XPNPEP3: variants seen among roughly 807,000 people sequenced by gnomAD.
XPNPEP3 encodes xaa-Pro aminopeptidase 3.
Under a neutral mutation model 60.0 loss-of-function variants are expected in XPNPEP3, and 41 were observed. The ratio of observed to expected loss-of-function variants is 0.68; its 90% CI spans 0.53 to 0.89. The LOEUF (loss-of-function observed/expected upper bound fraction) is 0.89, where lower values mean the gene tolerates loss of function less well. XPNPEP3 is among the 40% of genes least tolerant of loss of function. XPNPEP3 has a pLI of 0.00. For synonymous variants in XPNPEP3, 212 were observed against 223.2 expected, an observed-to-expected ratio of 0.95 and a Z score of 0.45; for missense variants, 598 against 638.9, an observed-to-expected ratio of 0.94 and a Z score of 0.69.
At chr22:40,884,432 T>G (rs544217411) in intron 3 of XPNPEP3, among the ~76,000 whole-genome samples, 1 of 151,806 alleles carries the variant, frequency 6.6e-6, no homozygotes, top group East Asian at 2.0e-4. Flanking sequence ...CAGGTTCAAG[T>G]AATTCTCCTG....
chr22:40,869,106 C>T lies in XPNPEP3; in HGVS notation c.172C>T (p.Leu58Phe). 3 of 1,613,842 alleles carry T rather than the reference C, an allele frequency of 1.9e-6. No homozygotes were observed. The highest frequency in any genetic ancestry group is 1.7e-5 in the Admixed American group (1 of 60,012). Residue 58 changes from leucine (L) to phenylalanine (F), a missense_variant, in exon 2 of 10, where the codon CTC becomes TTC. By Grantham distance (22) the Leu-to-Phe change is conservative. Coordinates refer to ENST00000357137, the MANE Select transcript of XPNPEP3 (RefSeq NM_022098.4). ...CAGCCCCTTTACACACCCACACCTC[C>T]TCAGACCAGGTAAGGCCTTTTAACT... ...QPSPFTHPHL[L>F]RPGEVTPGLS...
intron 7 of XPNPEP3, among the ~76,000 whole-genome samples, chr22:40,921,700 C>A (rs1601521711): frequency 6.6e-6 from 1 of 151,996 alleles, no homozygotes; most frequent in East Asian, 1.9e-4. Flanking sequence ...CAAATATTTT[C>A]TTTGGATATA....
intron 6 of XPNPEP3, among the ~76,000 whole-genome samples, chr22:40,909,790 A>G (rs1480562541): frequency 6.6e-6 from 1 of 151,654 alleles, no homozygotes; most frequent in African/African-American, 2.4e-5. Context: ...ATAAATAAAT[A>G]AATAAATATT....
intron 1 of XPNPEP3, chr22:40,860,733 A>G: frequency 1.2e-6 from 1 of 839,578 alleles, no homozygotes; most frequent in Non-Finnish European, 1.8e-6. Context: ...TTACACTGCA[A>G]CCTATGTCTT....
chr22:40,914,421 G>A (rs2058188030), intron 7 of XPNPEP3, 97 bp downstream of exon 7: 8 of 1,053,936 alleles, frequency 7.6e-6, no homozygotes, highest in Non-Finnish European at 1.0e-5. Context: ...AATACTATAG[G>A]TCCATTCCTG....
intron 4 of XPNPEP3, among the ~76,000 whole-genome samples, chr22:40,892,650 C>G (rs566424471): frequency 1.2e-4 from 19 of 152,240 alleles, no homozygotes; most frequent in Admixed American, 9.2e-4. Context: ...ACAACTGTTT[C>G]ATTTGTACAA....
intron 5 of XPNPEP3, among the ~76,000 whole-genome samples, chr22:40,908,012 G>C (rs2058162785): frequency 6.6e-6 from 1 of 152,140 alleles, no homozygotes; most frequent in Non-Finnish European, 1.5e-5. Flanking sequence ...CCAGGAGTTT[G>C]AGACCAGCCT....
chr22:40,907,624 T>C lies in XPNPEP3; in HGVS notation c.830T>C (p.Val277Ala), dbSNP rs764073781. 1 of 1,614,110 alleles carries C rather than the reference T, an allele frequency of 6.2e-7. No individual in the cohort carries two copies. The change falls in exon 5 of 10, where the codon GTG becomes GCG. Residue 277 changes from valine (V) to alanine (A), a missense_variant. By Grantham distance (64) the Val-to-Ala change is moderately conservative (BLOSUM62 0). Coordinates refer to ENST00000357137, the MANE Select transcript of XPNPEP3 (RefSeq NM_022098.4). ...IETMFTSKAPVEEAFLYAKFE... is the reference protein window; with the variant it reads ...IETMFTSKAPAEEAFLYAKFE... ...ACCATGTTCACCAGTAAAGCCCCTGTGGAAGAAGCCTTTCTTTATGCTAAG... is the reference window on the plus strand; with the variant it reads ...ACCATGTTCACCAGTAAAGCCCCTGCGGAAGAAGCCTTTCTTTATGCTAAG...
At chr22:40,880,786 T>C (rs1307148089) in intron 2 of XPNPEP3, among the ~76,000 whole-genome samples, 4 of 119,456 alleles carry the variant, frequency 3.3e-5, no homozygotes, top group Non-Finnish European at 6.9e-5. Flanking sequence ...AGACTCCCTC[T>C]CAAAAAAAAA....
intron 6 of XPNPEP3, among the ~76,000 whole-genome samples, chr22:40,913,719 G>A (rs765649409): frequency 1.3e-5 from 2 of 152,122 alleles, no homozygotes; most frequent in Non-Finnish European, 2.9e-5. Context: ...CTTTCTTGTG[G>A]CAGGGTGAAT....
At chr22:40,902,277 G>A (rs2058136847) in intron 4 of XPNPEP3, among the ~76,000 whole-genome samples, 1 of 132,996 alleles carries the variant, frequency 7.5e-6, no homozygotes, top group Non-Finnish European at 1.6e-5. Flanking sequence ...TTGAGGTGGA[G>A]TCTCGCTCTG....
chr22:40,900,878 A>G (rs2058129404), intron 4 of XPNPEP3, among the ~76,000 whole-genome samples: 1 of 152,162 alleles, frequency 6.6e-6, no homozygotes, highest in African/African-American at 2.4e-5. Context: ...GGCTTCAGTG[A>G]GCCAAGATCA....
intron 1 of XPNPEP3, among the ~76,000 whole-genome samples, chr22:40,864,502 A>G (rs1015472988): frequency 2.6e-5 from 4 of 152,044 alleles, no homozygotes; most frequent in South Asian, 2.1e-4. Context: ...CTGGAGTGCA[A>G]TGGTGGGGTC....
rs1436360396 is a variant in XPNPEP3 at position 40,886,376 on chromosome 22, A to G, written c.653A>G (p.Tyr218Cys). Residue 218 changes from tyrosine to cysteine, a missense_variant, in exon 4 of 10, where the codon TAT becomes TGT. By Grantham distance (194) the Tyr-to-Cys change is radical. Transcript: ENST00000357137. ...RPSHAQLHSD[Y>C]MQPLTEAKAK... ...TCACATGCACAGCTTCACTCTGACT[A>G]TATGCAGCCCCTGACTGAGGCCAAA... 3 of 1,614,150 alleles carry G rather than the reference A, an allele frequency of 1.9e-6. No homozygotes were observed. Among genetic ancestry groups the G allele is most frequent in the South Asian group, 1.1e-5 (1 of 91,086 alleles).
At chr22:40,871,889 T>C (rs1180995911) in intron 2 of XPNPEP3, among the ~76,000 whole-genome samples, 1 of 152,110 alleles carries the variant, frequency 6.6e-6, no homozygotes, top group Admixed American at 6.5e-5. Context: ...AAAAATTAGC[T>C]GGGCATGGTG....
At chr22:40,903,246 A>G (rs2058141722) in intron 4 of XPNPEP3, among the ~76,000 whole-genome samples, 1 of 152,194 alleles carries the variant, frequency 6.6e-6, no homozygotes, top group South Asian at 2.1e-4. Context: ...AATAGCACAC[A>G]AACATTTCAG....
chr22:40,861,057 G>T (rs2057941420), intron 1 of XPNPEP3: 1 of 1,568,810 alleles, frequency 6.4e-7, no homozygotes, highest in South Asian at 1.2e-5. Context: ...TATATTTGAA[G>T]AGTCAATTTA....
intron 4 of XPNPEP3, among the ~76,000 whole-genome samples, chr22:40,899,890 G>C (rs945064918): frequency 4.0e-5 from 6 of 150,400 alleles, no homozygotes; most frequent in African/African-American, 1.5e-4. Flanking sequence ...AACTTAATTA[G>C]CCAGGTGTGG....
rs60360606 is a variant in XPNPEP3, at chr22:40,904,700, G to T, written c.793-2887G>T. Among the ~76,000 whole-genome samples the T allele has an allele frequency of 1.4e-3, 210 of 152,334 alleles. 2 individuals are homozygous for T. In the East Asian group the frequency reaches 0.035, roughly 25 times the overall value. ...TTTTAGGTTTCATGCTAAAAATATAGTGCTGAATAAGTTATTTGTCAACAT... is the reference window on the plus strand; with the variant it reads ...TTTTAGGTTTCATGCTAAAAATATATTGCTGAATAAGTTATTTGTCAACAT... On this transcript the variant is annotated intron_variant, in intron 4 of 9. Coordinates refer to ENST00000357137, the MANE Select transcript of XPNPEP3 (RefSeq NM_022098.4).
Sources: allele counts gnomAD v4.1 joint callset (sites outside exome capture counted in the v4.1 genomes callset), GRCh38; gene constraint gnomAD v4.1.1; transcripts MANE v1.5; gene names NCBI Gene and HGNC (gene_info 2026-07-23, HGNC 2026-07-21).